Variants in SOX6 observed in about 807,000 individuals in gnomAD.
The protein encoded by SOX6 is transcription factor SOX-6.
SOX6 carries 11 observed loss-of-function variants against 97.8 expected under a neutral mutation model. The observed-to-expected ratio is 0.11, with a 90% confidence interval of 0.07 to 0.19. The LOEUF (loss-of-function observed/expected upper bound fraction) is 0.19. Ranked by LOEUF, SOX6 falls within the 10% of genes least tolerant of loss-of-function variation. The pLI, the probability that SOX6 is intolerant of heterozygous loss-of-function variation, is 1.00. For missense variants in SOX6, 810 were observed against 1,039.5 expected, an observed-to-expected ratio of 0.78 and a Z score of 3.04; for synonymous variants, 360 against 371.4, an observed-to-expected ratio of 0.97 and a Z score of 0.35.
At chr11:16,510,697 A>G (rs576366284) in intron 4 of SOX6, among the ~76,000 whole-genome samples, 32 of 152,096 alleles carry the variant, frequency 2.1e-4, no homozygotes, top group Admixed American at 7.9e-4. Flanking sequence ...CTTGCTTCCA[A>G]TAAGATACGC....
At chr11:16,047,667 C>A (rs1293968556) in intron 11 of SOX6, among the ~76,000 whole-genome samples, 1 of 151,082 alleles carries the variant, frequency 6.6e-6, no homozygotes, top group Non-Finnish European at 1.5e-5. Context: ...TAGTGTGATC[C>A]ACTTGCTTGA....
chr11:15,990,657 G>A (rs932574363), intron 13 of SOX6, among the ~76,000 whole-genome samples: 2 of 152,106 alleles, frequency 1.3e-5, no homozygotes, highest in African/African-American at 4.8e-5. Flanking sequence ...ACTTTGTGAT[G>A]TGGCAACTCC....
intron 2 of SOX6, among the ~76,000 whole-genome samples, chr11:16,328,460 C>T (rs1187271161): frequency 2.0e-5 from 3 of 152,162 alleles, no homozygotes; most frequent in Non-Finnish European, 4.4e-5. Flanking sequence ...GATCAATCTT[C>T]CTTGCCAGGT....
intron 3 of SOX6, among the ~76,000 whole-genome samples, chr11:16,276,751 T>G (rs1854413798): frequency 6.6e-6 from 1 of 152,190 alleles, no homozygotes; most frequent in Non-Finnish European, 1.5e-5. Flanking sequence ...GTGAAAAAAT[T>G]AAACACCTAT....
intron 3 of SOX6, chr11:16,312,414 G>T (rs1412589049): frequency 6.6e-6 from 1 of 152,106 alleles, no homozygotes. Flanking sequence ...TCAAACCAGG[G>T]CCCTCGGCCT....
intron 4 of SOX6, among the ~76,000 whole-genome samples, chr11:16,207,500 C>T (rs1459716271): frequency 6.6e-6 from 1 of 151,122 alleles, no homozygotes; most frequent in South Asian, 2.1e-4. Context: ...GAGGCTGAGG[C>T]AGGAGAATGG....
chr11:16,373,108 T>C (rs1287224864), intron 1 of SOX6, among the ~76,000 whole-genome samples: 1 of 152,096 alleles, frequency 6.6e-6, no homozygotes, highest in East Asian at 1.9e-4. Context: ...TGTTAGTATA[T>C]GAATACATAT....
rs148696791 is a variant in SOX6, at chr11:16,693,061, T to C, written n.429+21769A>G. ...ATTCCCATTAATGATGTGATGGGTA[T>C]ACTTGTACACAAATCTTTTGTTATT... On this transcript the variant is annotated intron_variant and non_coding_transcript_variant, in intron 3 of 5. Coordinates refer to the SOX6 transcript ENST00000524520. Among the ~76,000 whole-genome samples the C allele has an allele frequency of 2.1e-3, 314 of 152,296 alleles. 2 individuals are homozygous for C. The highest frequency in any genetic ancestry group is 7.3e-3 in the African/African-American group (303 of 41,574).
At chr11:16,270,642 CACACACACACAA>C (rs1854225332) in intron 3 of SOX6, among the ~76,000 whole-genome samples, 1 of 106,484 alleles carries the variant, frequency 9.4e-6, no homozygotes, top group Non-Finnish European at 2.0e-5. Context: ...TGTAATAACA[CACACACACACAA>C]ACACACACAC....
upstream of SOX6, among the ~76,000 whole-genome samples, chr11:16,478,607 T>A (rs1461160798): frequency 2.0e-5 from 3 of 152,200 alleles, no homozygotes; most frequent in Admixed American, 2.0e-4. Context: ...CAGCAAAGAA[T>A]TAAAAAATAA....
intron 1 of SOX6, among the ~76,000 whole-genome samples, chr11:16,458,971 T>G (rs10832610): frequency 0.21 from 32,150 of 151,932 alleles, 3,601 homozygotes; most frequent in Admixed American, 0.33. Context: ...GGCAAAAAGA[T>G]ACCTGCATAT....
intron 6 of SOX6, among the ~76,000 whole-genome samples, chr11:16,181,407 C>A (rs1050502075): frequency 6.6e-6 from 1 of 151,180 alleles, no homozygotes; most frequent in Non-Finnish European, 1.5e-5. Flanking sequence ...GAAAGTGTTT[C>A]TTTTTTTGAT....
intron 2 of SOX6, among the ~76,000 whole-genome samples, chr11:16,723,313 T>C (rs1038674545): frequency 1.3e-5 from 2 of 151,776 alleles, no homozygotes; most frequent in Non-Finnish European, 2.9e-5. Flanking sequence ...CAACAGACAC[T>C]GGGGGCTTCT....
chr11:16,728,989 A>G (rs1042526235), intron 2 of SOX6, among the ~76,000 whole-genome samples: 1 of 152,224 alleles, frequency 6.6e-6, no homozygotes, highest in African/African-American at 2.4e-5. Flanking sequence ...CAGACACTGA[A>G]GATCAACTTA....
intron 4 of SOX6, among the ~76,000 whole-genome samples, chr11:16,571,984 A>G (rs1847944699): frequency 1.3e-5 from 2 of 152,226 alleles, no homozygotes; most frequent in African/African-American, 4.8e-5. Flanking sequence ...AACTGTTTTC[A>G]TGAATATATT....
intron 3 of SOX6, among the ~76,000 whole-genome samples, chr11:16,615,749 A>C (rs1565194255): frequency 6.6e-6 from 1 of 152,200 alleles, no homozygotes; most frequent in South Asian, 2.1e-4. Flanking sequence ...CTATTTATTA[A>C]GGTAATCGTT....
chr11:16,422,249 A>T (rs575361518), intron 1 of SOX6, among the ~76,000 whole-genome samples: 74 of 152,320 alleles, frequency 4.9e-4, no homozygotes, highest in African/African-American at 1.5e-3. Context: ...TATAAGTCAC[A>T]CTAATGGCCT....
chr11:16,689,166 C>A (rs1012357104), intron 3 of SOX6, among the ~76,000 whole-genome samples: 1 of 152,206 alleles, frequency 6.6e-6, no homozygotes, highest in African/African-American at 2.4e-5. Flanking sequence ...AGTTTCCTCA[C>A]ACCCATGCAT....
chr11:16,330,666 T>C (rs997755718), intron 2 of SOX6, among the ~76,000 whole-genome samples: 4 of 152,216 alleles, frequency 2.6e-5, no homozygotes, highest in African/African-American at 9.6e-5. Context: ...AACTACCATA[T>C]ACATGATACT....
Sources: gnomAD v4.1 joint callset for allele counts (sites outside exome capture counted in the v4.1 genomes callset) on GRCh38, gnomAD v4.1.1 for gene constraint, MANE v1.5 for transcripts, NCBI Gene and HGNC (gene_info 2026-07-23, HGNC 2026-07-21) for gene names.